MYRIP: variants seen among roughly 807,000 people sequenced by gnomAD.
MYRIP encodes myosin VIIA and Rab interacting protein.
MYRIP carries 49 observed loss-of-function variants against 98.0 expected under a neutral mutation model. The ratio of observed to expected loss-of-function variants is 0.50; its 90% confidence interval spans 0.40 to 0.63. The LOEUF (loss-of-function observed/expected upper bound fraction) is 0.63. MYRIP is among the 30% of genes least tolerant of loss of function. The probability of loss-of-function intolerance (pLI) is 0.00; values close to 1 mark genes in which losing one functional copy is unlikely to be tolerated. For missense variants in MYRIP, 1,004 were observed against 1,058.2 expected (o/e 0.95, Z 0.71); for synonymous variants, 404 against 409.5 (o/e 0.99, Z 0.16).
intron 2 of MYRIP, among the ~76,000 whole-genome samples, chr3:40,001,393 A>G (rs943485619): frequency 3.3e-5 from 5 of 152,220 alleles, no homozygotes; most frequent in African/African-American, 1.2e-4. Flanking sequence ...AGCATGCTCC[A>G]TATGGAAAGA....
chr3:39,994,213 C>T (rs141319094), intron 2 of MYRIP, among the ~76,000 whole-genome samples: 4,201 of 152,298 alleles, frequency 0.028, 117 homozygotes, highest in African/African-American at 0.073. Context: ...GTGCAGCACA[C>T]GGAGCATGAG....
At chr3:40,207,185 C>G (rs1321611754) in intron 10 of MYRIP, among the ~76,000 whole-genome samples, 2 of 152,188 alleles carry the variant, frequency 1.3e-5, no homozygotes, top group African/African-American at 4.8e-5. Flanking sequence ...CCTGGCTCCC[C>G]ACTCTCTCCA....
chr3:40,196,272 T>G (rs1040345910), intron 10 of MYRIP, among the ~76,000 whole-genome samples: 4 of 149,624 alleles, frequency 2.7e-5, no homozygotes, highest in African/African-American at 7.7e-5. Context: ...TATTAATGTC[T>G]TCTTTTTACT....
rs1466057588 is a variant in MYRIP, at chr3:40,157,060, C to A, written c.470-5670C>A. 2.7e-5 allele frequency among the ~76,000 whole-genome samples: 4 copies of A among 150,896 alleles called. No homozygotes were observed. The East Asian group carries it at 7.8e-4, about 30-fold the overall frequency. ...AATAGGAGTGGTGAGAGAGGGCATC[C>A]CTGTCTTGTGCCAGTTTTCAAAGGG... On this transcript the variant is annotated intron_variant, in intron 4 of 16. Coordinates refer to ENST00000302541, the MANE Select transcript of MYRIP (RefSeq NM_015460.4).
intron 1 of MYRIP, among the ~76,000 whole-genome samples, chr3:39,898,631 A>G (rs1045394213): frequency 6.6e-6 from 1 of 152,178 alleles, no homozygotes; most frequent in African/African-American, 2.4e-5. Flanking sequence ...CCAGGTTGCC[A>G]TTGTCTTAGA....
intron 3 of MYRIP, 70 bp from the exon 4 acceptor site, chr3:40,150,978 C>T: frequency 7.3e-7 from 1 of 1,364,092 alleles, no homozygotes; most frequent in East Asian, 2.7e-5. Context: ...AGCTGTGAAG[C>T]ATTGCAGCAG....
intron 1 of MYRIP, among the ~76,000 whole-genome samples, chr3:39,837,668 C>CT (rs1428303713): frequency 6.6e-6 from 1 of 152,164 alleles, no homozygotes; most frequent in African/African-American, 2.4e-5. Context: ...CAGCTGTGTT[C>CT]TTTTTGCTTA....
intron 2 of MYRIP, among the ~76,000 whole-genome samples, chr3:39,959,920 A>T (rs114448407): frequency 6.6e-6 from 1 of 151,964 alleles, no homozygotes. Context: ...AGTGCCCCCC[A>T]TGTGAGCAGG....
chr3:40,026,476 A>C (rs1947132158), intron 2 of MYRIP, among the ~76,000 whole-genome samples: 1 of 152,180 alleles, frequency 6.6e-6, no homozygotes, highest in African/African-American at 2.4e-5. Flanking sequence ...CTGAGGTGAC[A>C]TACATCCTCA....
At chr3:40,216,344 G>T (rs1952118347) in intron 11 of MYRIP, among the ~76,000 whole-genome samples, 1 of 152,200 alleles carries the variant, frequency 6.6e-6, no homozygotes, top group Admixed American at 6.5e-5. Context: ...AGTAAGAAAC[G>T]CTGGGGAGAG....
Position 40,182,210 on chromosome 3 carries a change from C to G in MYRIP, c.874-10C>G. ...ATGAGCTCACCCCTTCCCCTCTTTCCTTTCCACAGAGGTCCCAGTCTGCCT... is the reference window on the plus strand; with the variant it reads ...ATGAGCTCACCCCTTCCCCTCTTTCGTTTCCACAGAGGTCCCAGTCTGCCT... On this transcript the variant is annotated splice_polypyrimidine_tract_variant and intron_variant, in intron 8 of 16. Transcript: ENST00000302541. The G allele has an allele frequency of 6.3e-7, 1 of 1,599,838 alleles. No homozygotes were observed. The highest frequency in any genetic ancestry group is 8.5e-7 in the Non-Finnish European group (1 of 1,172,658).
At chr3:39,877,130 G>T (rs554869097) in intron 1 of MYRIP, among the ~76,000 whole-genome samples, 3 of 152,014 alleles carry the variant, frequency 2.0e-5, no homozygotes, top group Non-Finnish European at 2.9e-5. Context: ...CCAGTTGATC[G>T]CATCAGCTCC....
At chr3:40,208,763 A>G (rs1347466760) in intron 10 of MYRIP, among the ~76,000 whole-genome samples, 2 of 152,064 alleles carry the variant, frequency 1.3e-5, no homozygotes, top group Non-Finnish European at 2.9e-5. Context: ...AACCCCTCCC[A>G]TCAAGTGCTT....
At chr3:40,201,432 T>A (rs373335478) in intron 10 of MYRIP, among the ~76,000 whole-genome samples, 3 of 111,454 alleles carry the variant, frequency 2.7e-5, no homozygotes, top group Admixed American at 9.4e-5. Context: ...CAATGTAATA[T>A]GAAGGACTCA....
intron 2 of MYRIP, among the ~76,000 whole-genome samples, chr3:40,005,018 A>G (rs1946602987): frequency 6.6e-6 from 1 of 152,092 alleles, no homozygotes; most frequent in Admixed American, 6.6e-5. Context: ...ACTAGTGACA[A>G]CATGCCATAT....
At chr3:39,974,326 A>T (rs1380741634) in intron 2 of MYRIP, among the ~76,000 whole-genome samples, 1 of 152,204 alleles carries the variant, frequency 6.6e-6, no homozygotes, top group East Asian at 1.9e-4. Context: ...TCCTGGACAC[A>T]TACACCCTCC....
chr3:40,052,211 G>C (rs1431161949), intron 3 of MYRIP, among the ~76,000 whole-genome samples: 2 of 151,236 alleles, frequency 1.3e-5, no homozygotes, highest in African/African-American at 2.4e-5. Flanking sequence ...CCAGCCCCTG[G>C]TAACCACCGA....
intron 2 of MYRIP, among the ~76,000 whole-genome samples, chr3:39,933,894 G>C (rs563092163): frequency 7.9e-5 from 12 of 152,280 alleles, no homozygotes; most frequent in Admixed American, 3.3e-4. Flanking sequence ...CACTAGGTCT[G>C]TCTGGTTCTC....
chr3:40,165,966 A>G (rs1281089668), intron 5 of MYRIP, among the ~76,000 whole-genome samples: 1 of 152,112 alleles, frequency 6.6e-6, no homozygotes, highest in Non-Finnish European at 1.5e-5. Context: ...ACCTTGGGTG[A>G]GTTATTTAAC....
Sources: gnomAD v4.1 joint callset for allele counts (sites outside exome capture counted in the v4.1 genomes callset) on GRCh38, gnomAD v4.1.1 for gene constraint, MANE v1.5 for transcripts, NCBI Gene and HGNC (gene_info 2026-07-23, HGNC 2026-07-21) for gene names.